The following TMEM132C variants were observed in gnomAD, a reference collection of about 807,000 sequenced individuals.
The protein encoded by TMEM132C is protein phosphatase 1, regulatory subunit 152.
TMEM132C carries 29 observed loss-of-function variants against 61.4 expected under a neutral mutation model. The observed-to-expected ratio is 0.47, with a 90% confidence interval of 0.35 to 0.64. The LOEUF is 0.64. TMEM132C is among the 30% of genes least tolerant of loss of function. The pLI, the probability that TMEM132C is intolerant of heterozygous loss-of-function variation, is 0.00. For synonymous variants in TMEM132C, 656 were observed against 633.1 expected (o/e 1.04, Z -0.54); for missense variants, 1,408 against 1,476.9 (o/e 0.95, Z 0.76).
intron 2 of TMEM132C, among the ~76,000 whole-genome samples, chr12:128,437,055 C>T (rs542902486): frequency 6.6e-6 from 1 of 152,096 alleles, no homozygotes; most frequent in South Asian, 2.1e-4. Flanking sequence ...GACAGAAAAC[C>T]AGACACCACA....
At chr12:128,690,776 T>C (rs1954713984) in intron 5 of TMEM132C, among the ~76,000 whole-genome samples, 1 of 152,136 alleles carries the variant, frequency 6.6e-6, no homozygotes, top group African/African-American at 2.4e-5. Flanking sequence ...GATCCATCCA[T>C]GTGTTCCCAT....
chr12:128,403,095 C>T (rs1236857790), intron 1 of TMEM132C, among the ~76,000 whole-genome samples: 1 of 152,148 alleles, frequency 6.6e-6, no homozygotes, highest in East Asian at 1.9e-4. Flanking sequence ...AGGCTTTGTT[C>T]AGAAGAGGCA....
At chr12:128,439,952 G>A (rs975376738) in intron 2 of TMEM132C, among the ~76,000 whole-genome samples, 6 of 152,170 alleles carry the variant, frequency 3.9e-5, no homozygotes, top group Non-Finnish European at 5.9e-5. Flanking sequence ...CAGCCTCCTC[G>A]AGGGCATGTC....
At chr12:128,562,516 G>A (rs1041227042) in intron 3 of TMEM132C, among the ~76,000 whole-genome samples, 1 of 152,148 alleles carries the variant, frequency 6.6e-6, no homozygotes, top group Non-Finnish European at 1.5e-5. Flanking sequence ...CTCACCAGGG[G>A]TGTGTAAACT....
intron 1 of TMEM132C, among the ~76,000 whole-genome samples, chr12:128,307,527 A>G (rs1214429392): frequency 6.6e-6 from 1 of 152,222 alleles, no homozygotes; most frequent in Non-Finnish European, 1.5e-5. Context: ...AATTTCTATC[A>G]GGTGACATGA....
chr12:128,437,811 C>T (rs1006257375), intron 2 of TMEM132C: 3 of 152,174 alleles, frequency 2.0e-5, no homozygotes, highest in Non-Finnish European at 4.4e-5. Flanking sequence ...AGGACAGCCC[C>T]CATCTCTTGG....
At chr12:128,498,518 A>G (rs954978534) in intron 2 of TMEM132C, among the ~76,000 whole-genome samples, 8 of 152,108 alleles carry the variant, frequency 5.3e-5, no homozygotes, top group Admixed American at 3.9e-4. Context: ...TCTATTAAAA[A>G]TACAAAATTA....
At chr12:128,597,091 T>C (rs1875993057) in intron 3 of TMEM132C, among the ~76,000 whole-genome samples, 1 of 152,204 alleles carries the variant, frequency 6.6e-6, no homozygotes, top group Non-Finnish European at 1.5e-5. Flanking sequence ...CTTCTCCAAA[T>C]CAGCTTAACC....
intron 1 of TMEM132C, among the ~76,000 whole-genome samples, chr12:128,339,134 G>A (rs183526527): frequency 1.3e-5 from 2 of 152,156 alleles, no homozygotes; most frequent in African/African-American, 2.4e-5. Flanking sequence ...TCTGTGTTGG[G>A]GGCTGGGGGT....
In TMEM132C at chr12:128,661,575, C is replaced by A. The variant is rs1455057088; in HGVS notation, c.1306-7842C>A. ...AGAAGATGCTAAAAAAAAAAAAAAA[C>A]CCTGGATACATATGCACATGGAGGG... On this transcript the variant is annotated intron_variant, in intron 4 of 8. Transcript: ENST00000435159. Among the ~76,000 whole-genome samples, 13 of 147,662 alleles carry A rather than the reference C, an allele frequency of 8.8e-5. 1 individual carries two copies. The highest frequency in any genetic ancestry group is 1.3e-4 in the Admixed American group (2 of 14,932).
chr12:128,651,435 G>T (rs1954269288), intron 4 of TMEM132C, among the ~76,000 whole-genome samples: 1 of 152,218 alleles, frequency 6.6e-6, no homozygotes, highest in African/African-American at 2.4e-5. Context: ...TCGTCTTAAA[G>T]CGCCGTGCCC....
At chr12:128,328,956 GGTTTT>G (rs990023120) in intron 1 of TMEM132C, among the ~76,000 whole-genome samples, 1 of 152,078 alleles carries the variant, frequency 6.6e-6, no homozygotes, top group Non-Finnish European at 1.5e-5. Flanking sequence ...GTGTGCTTTG[GGTTTT>G]GTTTTGTTTT....
intron 1 of TMEM132C, among the ~76,000 whole-genome samples, chr12:128,358,967 C>T (rs1184332564): frequency 6.6e-6 from 1 of 152,130 alleles, no homozygotes; most frequent in Non-Finnish European, 1.5e-5. Flanking sequence ...TTGCATGTGC[C>T]AGAGGCCATG....
chr12:128,466,858 C>T (rs1188535113), intron 2 of TMEM132C, among the ~76,000 whole-genome samples: 1 of 152,186 alleles, frequency 6.6e-6, no homozygotes, highest in African/African-American at 2.4e-5. Context: ...TCCCCTTGGA[C>T]ATTCAGGTTT....
chr12:128,430,216 G>A (rs923868323), intron 2 of TMEM132C, among the ~76,000 whole-genome samples: 1 of 152,168 alleles, frequency 6.6e-6, no homozygotes, highest in Non-Finnish European at 1.5e-5. Flanking sequence ...CGCTTCGTAT[G>A]ACACAGTGGT....
intron 2 of TMEM132C, among the ~76,000 whole-genome samples, chr12:128,524,475 T>A (rs1293926293): frequency 2.0e-5 from 3 of 152,188 alleles, no homozygotes. Flanking sequence ...TTTATGGCCC[T>A]GGGTATTACT....
intron 1 of TMEM132C, among the ~76,000 whole-genome samples, chr12:128,411,042 G>A (rs1463751978): frequency 6.6e-6 from 1 of 152,068 alleles, no homozygotes; most frequent in Non-Finnish European, 1.5e-5. Flanking sequence ...TGCAAATTAT[G>A]CAAATTTAAG....
chr12:128,447,698 T>C (rs1870029392), intron 2 of TMEM132C, among the ~76,000 whole-genome samples: 1 of 139,896 alleles, frequency 7.1e-6, no homozygotes, highest in Non-Finnish European at 1.5e-5. Context: ...TGATATTATT[T>C]CAAGTGCTTT....
At chr12:128,693,669 C>T (rs1288742888) in intron 5 of TMEM132C, among the ~76,000 whole-genome samples, 160 bp from the exon 6 acceptor site, 1 of 152,162 alleles carries the variant, frequency 6.6e-6, no homozygotes, top group Non-Finnish European at 1.5e-5. Flanking sequence ...GGTCACCTCC[C>T]AATTAAACTG....
Sources: allele counts gnomAD v4.1 joint callset (sites outside exome capture counted in the v4.1 genomes callset), GRCh38; gene constraint gnomAD v4.1.1; transcripts MANE v1.5; gene names NCBI Gene and HGNC (gene_info 2026-07-23, HGNC 2026-07-21).